Variants in L3HYPDH observed in about 807,000 individuals in gnomAD.
The protein encoded by L3HYPDH is trans-3-hydroxy-L-proline dehydratase.
In L3HYPDH, 32 loss-of-function variants were observed where a neutral mutation model predicts 26.5. That is an observed-to-expected ratio of 1.21 (90% CI 0.91 to 1.62). The LOEUF (loss-of-function observed/expected upper bound fraction) is 1.62. Ranked by LOEUF, L3HYPDH falls within the 40% of genes most tolerant of loss-of-function variation. The probability of loss-of-function intolerance (pLI) is 0.00; values close to 1 mark genes in which losing one functional copy is unlikely to be tolerated. For missense variants in L3HYPDH, 554 were observed against 476.4 expected, an observed-to-expected ratio of 1.16 and a Z score of -1.52; for synonymous variants, 215 against 196.6, an observed-to-expected ratio of 1.09 and a Z score of -0.78.
chr14:59,469,936 G>C (rs1217479272), downstream of L3HYPDH, among the ~76,000 whole-genome samples: 1 of 152,202 alleles, frequency 6.6e-6, no homozygotes, highest in Non-Finnish European at 1.5e-5. Context: ...GAAAGAAAAG[G>C]ACCATGGATG....
downstream of L3HYPDH, among the ~76,000 whole-genome samples, chr14:59,471,824 T>C (rs1438993052): frequency 6.6e-6 from 1 of 151,494 alleles, no homozygotes; most frequent in African/African-American, 2.4e-5. Context: ...TATTTGGTCA[T>C]ATTGTTAGTG....
chr14:59,477,423 T>C (rs1889714107), intron 2 of L3HYPDH, among the ~76,000 whole-genome samples: 1 of 152,254 alleles, frequency 6.6e-6, no homozygotes, highest in Non-Finnish European at 1.5e-5. Flanking sequence ...TACTGTCTGA[T>C]ACATCAATAA....
At chr14:59,497,815 G>C in the L3HYPDH span, among the ~76,000 whole-genome samples, 2 of 152,184 alleles carry the variant, frequency 1.3e-5, no homozygotes, top group Admixed American at 6.5e-5. Flanking sequence ...CAGGATTATG[G>C]TATCATGATG....
chr14:59,486,168 A>G (rs538822343), upstream of L3HYPDH, among the ~76,000 whole-genome samples: 3 of 152,230 alleles, frequency 2.0e-5, no homozygotes, highest in Non-Finnish European at 4.4e-5. Context: ...CACAAAAATG[A>G]TAAAAGCTAG....
chr14:59,483,659 C>CA, intron 1 of L3HYPDH, 150 bp downstream of exon 1: 3 of 1,445,056 alleles, frequency 2.1e-6, no homozygotes, highest in Non-Finnish European at 2.7e-6. Context: ...AGGCTGCTGA[C>CA]ACACGTTGGC....
At chr14:59,477,475 A>G (rs1889717361) in intron 2 of L3HYPDH, among the ~76,000 whole-genome samples, 1 of 152,192 alleles carries the variant, frequency 6.6e-6, no homozygotes, top group African/African-American at 2.4e-5. Flanking sequence ...TCCTCCCTCA[A>G]AGTCCACCCC....
the L3HYPDH span, among the ~76,000 whole-genome samples, chr14:59,491,138 C>T: frequency 5.3e-5 from 8 of 152,150 alleles, no homozygotes; most frequent in African/African-American, 1.9e-4. Context: ...AACAAATGTT[C>T]ATAAAAACTG....
Position 59,484,148 on chromosome 14 carries a change from G to T in L3HYPDH, c.169C>A (p.His57Asn). The change falls in exon 1 of 5, where the codon CAC becomes AAC. Residue 57 changes from histidine (H) to asparagine (N), a missense_variant. By Grantham distance (68) the His-to-Asn change is moderately conservative (BLOSUM62 1). Coordinates refer to ENST00000247194, the MANE Select transcript of L3HYPDH (RefSeq NM_144581.2). ...LLAKRRYMRQ[H>N]LDHVRRRLMF... is the part of the protein sequence containing the mutation. ...AGCCGTCGCCGCACGTGGTCAAGGT[G>T]CTGGCGCATGTAGCGCCGCTTGGCC... 1 of 1,601,346 alleles carries T rather than the reference G, an allele frequency of 6.2e-7. No individual in the cohort carries two copies.
upstream of L3HYPDH, chr14:59,485,191 A>G: frequency 2.7e-6 from 4 of 1,490,622 alleles, no homozygotes; most frequent in Non-Finnish European, 3.7e-6. Context: ...GAAACTTTAG[A>G]TTATTGATAT....
the L3HYPDH span, among the ~76,000 whole-genome samples, chr14:59,497,527 A>G: frequency 4.6e-5 from 7 of 152,202 alleles, no homozygotes; most frequent in African/African-American, 1.4e-4. Flanking sequence ...AGTTGTGGAA[A>G]TGGACAGATT....
intron 2 of L3HYPDH, chr14:59,478,888 C>G (rs11628172): frequency 0.25 from 62,241 of 252,944 alleles, 8,104 homozygotes; most frequent in South Asian, 0.4. Context: ...ATAAGATACA[C>G]TAACACTAAC....
upstream of L3HYPDH, chr14:59,484,526 A>G (rs1297446106): frequency 3.2e-6 from 5 of 1,553,240 alleles, no homozygotes; most frequent in East Asian, 4.8e-5. Flanking sequence ...TGTGGCCCGG[A>G]TGTTCGGTGC....
chr14:59,476,417 T>C (rs1019317572), intron 2 of L3HYPDH, among the ~76,000 whole-genome samples: 4 of 152,238 alleles, frequency 2.6e-5, no homozygotes, highest in Non-Finnish European at 4.4e-5. Flanking sequence ...ATAATTCTTA[T>C]CATACTTTGA....
Position 59,479,258 on chromosome 14 carries a change from C to A in L3HYPDH, c.602G>T (p.Gly201Val), listed in dbSNP as rs1050554079. The change falls in exon 2 of 5, where the codon GGA (glycine) becomes GTA (valine). Residue 201 changes from glycine (G) to valine (V), a missense_variant. Coordinates refer to ENST00000247194, the MANE Select transcript of L3HYPDH (RefSeq NM_144581.2). ...FYAFVTAEKL[G>V]LDICSAKTRD... ...GGTCTTTGCAGAACAAATGTCTAGTCCTAACTTTTCAGCAGTAACAAATGC... is the reference window on the plus strand; with the variant it reads ...GGTCTTTGCAGAACAAATGTCTAGTACTAACTTTTCAGCAGTAACAAATGC... 1 of 1,613,582 alleles carries A rather than the reference C, an allele frequency of 6.2e-7. No homozygotes were observed. The highest frequency in any genetic ancestry group is 1.3e-5 in the African/African-American group (1 of 74,852).
At chr14:59,470,148 A>G (rs1166471131), downstream of L3HYPDH, among the ~76,000 whole-genome samples, 3 of 152,146 alleles carry the variant, frequency 2.0e-5, no homozygotes, top group Non-Finnish European at 4.4e-5. Flanking sequence ...CTCCAGGTGG[A>G]GAGCTAACAG....
At chr14:59,484,504 C>T, upstream of L3HYPDH, 2 of 1,514,576 alleles carry the variant, frequency 1.3e-6, no homozygotes, top group Non-Finnish European at 1.8e-6. Context: ...GAGGCGGAGC[C>T]GCCGAGCTCG....
intron 2 of L3HYPDH, among the ~76,000 whole-genome samples, chr14:59,476,710 G>A (rs1889653405): frequency 1.3e-5 from 2 of 152,194 alleles, no homozygotes. Context: ...ATAACATTCT[G>A]TAAGAATGCA....
upstream of L3HYPDH, chr14:59,486,939 G>C: frequency 1.5e-6 from 1 of 664,984 alleles, no homozygotes; most frequent in Non-Finnish European, 2.5e-6. Flanking sequence ...AGTGGCTCAT[G>C]CCTGTAATCC....
chr14:59,479,390 T>A, intron 1 of L3HYPDH, 39 bp from the exon 2 acceptor site: 1 of 1,550,664 alleles, frequency 6.4e-7, no homozygotes, highest in Non-Finnish European at 8.8e-7. Context: ...ATGTGTTTGT[T>A]AATAAGTATT....
Sources: allele counts gnomAD v4.1 joint callset (sites outside exome capture counted in the v4.1 genomes callset), GRCh38; gene constraint gnomAD v4.1.1; transcripts MANE v1.5; gene names NCBI Gene and HGNC (gene_info 2026-07-23, HGNC 2026-07-21).